FBXL20: variants seen among roughly 807,000 people sequenced by gnomAD.
The protein encoded by FBXL20 is F-box and leucine rich repeat protein 20.
A neutral mutation model predicts 64.0 loss-of-function variants in FBXL20; 11 were observed. The observed-to-expected ratio is 0.17, with a 90% CI of 0.11 to 0.28. The LOEUF (loss-of-function observed/expected upper bound fraction) is 0.28, where lower values mean the gene tolerates loss of function less well. Ranked by LOEUF, FBXL20 falls within the 10% of genes least tolerant of loss-of-function variation. FBXL20 has a pLI of 1.00. For synonymous variants in FBXL20, 184 were observed against 189.0 expected, an observed-to-expected ratio of 0.97 and a Z score of 0.22; for missense variants, 303 against 526.2, an observed-to-expected ratio of 0.58 and a Z score of 4.15.
chr17:39,346,762 A>C (rs1013417897), intron 1 of FBXL20, among the ~76,000 whole-genome samples: 6 of 152,014 alleles, frequency 3.9e-5, no homozygotes, highest in African/African-American at 1.5e-4. Context: ...TTACATATGT[A>C]TACATGTGCC....
intron 12 of FBXL20, 128 bp from the exon 13 acceptor site, chr17:39,265,581 A>C: frequency 1.8e-6 from 1 of 559,004 alleles, no homozygotes; most frequent in Non-Finnish European, 3.0e-6. Flanking sequence ...CTATAAGCTC[A>C]CTGCAGCCTA....
At position 39,261,277 on chromosome 17, in the gene FBXL20, A is replaced by C; in HGVS notation, c.*183T>G. ...ACTTCAGTCCCATGGTCACAAAGCT[A>C]GAGTGGATGGGGGTAAGGGTGTGTA... On this transcript the variant is annotated 3_prime_UTR_variant, in exon 15 of 15. Coordinates refer to ENST00000264658, the MANE Select transcript of FBXL20 (RefSeq NM_032875.3). 1 of 545,498 alleles carries C rather than the reference A, an allele frequency of 1.8e-6. No individual in the cohort carries two copies. Among genetic ancestry groups the C allele is most frequent in the Non-Finnish European group, 3.3e-6 (1 of 301,870 alleles). 33.8% of individuals were successfully genotyped at this position (545,498 alleles called of 1,614,324 possible).
intron 12 of FBXL20, 29 bp downstream of exon 12, chr17:39,268,798 T>TAGATA: frequency 6.3e-7 from 1 of 1,593,316 alleles, no homozygotes; most frequent in East Asian, 2.2e-5. Flanking sequence ...TACTATACTG[T>TAGATA]ATTTCTGAAT....
chr17:39,293,036 G>A (rs926887229), intron 6 of FBXL20, among the ~76,000 whole-genome samples: 4 of 151,802 alleles, frequency 2.6e-5, no homozygotes, highest in African/African-American at 4.8e-5. Flanking sequence ...CAGGTGATCC[G>A]CCCACCTTGG....
chr17:39,322,413 C>T lies in FBXL20; in HGVS notation c.105-18774G>A, dbSNP rs77661240. 9.2e-3 allele frequency among the ~76,000 whole-genome samples: 1,394 copies of T among 152,188 alleles called. 18 individuals carry two copies. Among genetic ancestry groups the T allele is most frequent in the African/African-American group, 0.032 (1,317 of 41,534 alleles). Reference sequence around the variant, plus strand: ...ACAAAAAGCTGCTGTTTCTCCAGAACATCTAAGGTGAATACATAAACTGAG... The same window carrying T: ...ACAAAAAGCTGCTGTTTCTCCAGAATATCTAAGGTGAATACATAAACTGAG... On this transcript the variant is annotated intron_variant, in intron 2 of 14. Coordinates refer to ENST00000264658, the MANE Select transcript of FBXL20 (RefSeq NM_032875.3).
chr17:39,321,815 G>C (rs184649341), intron 2 of FBXL20, among the ~76,000 whole-genome samples: 2 of 151,180 alleles, frequency 1.3e-5, no homozygotes, highest in African/African-American at 2.4e-5. Flanking sequence ...AACTGATCAG[G>C]CTATAGTCAT....
chr17:39,261,393 G>T lies in FBXL20; in HGVS notation c.*67C>A. 2 of 1,313,636 alleles carry T rather than the reference G, an allele frequency of 1.5e-6. No individual in the cohort carries two copies. The highest frequency in any genetic ancestry group is 2.2e-6 in the Non-Finnish European group (2 of 907,828). The allele number at this position is 1,313,636 out of a possible 1,614,324, so 81.4% of individuals were successfully genotyped here. On this transcript the variant is annotated 3_prime_UTR_variant, in exon 15 of 15. Coordinates refer to ENST00000264658, the MANE Select transcript of FBXL20 (RefSeq NM_032875.3). ...GAACACTGGGGTTGCTTCCACTGGA[G>T]AGACTCCACGGTAGCTCTAGAAGTG...
At chr17:39,326,693 C>T (rs2047412493) in intron 2 of FBXL20, among the ~76,000 whole-genome samples, 1 of 151,634 alleles carries the variant, frequency 6.6e-6, no homozygotes, top group Admixed American at 6.6e-5. Context: ...TCATATACCT[C>T]ACTGCAGCCT....
At chr17:39,392,095 C>T (rs181202007) in intron 1 of FBXL20, among the ~76,000 whole-genome samples, 96 of 152,154 alleles carry the variant, frequency 6.3e-4, no homozygotes, top group Non-Finnish European at 1.2e-3. Flanking sequence ...CGAGATCACG[C>T]CACTGCACTC....
At chr17:39,292,958 AATTTTTGTATTTTTAGTAGAG>A (rs1567866889) in intron 6 of FBXL20, among the ~76,000 whole-genome samples, 1 of 151,504 alleles carries the variant, frequency 6.6e-6, no homozygotes, top group Non-Finnish European at 1.5e-5. Flanking sequence ...ATGCCCGGCT[AATTTTTGTATTTTTAGTAGAG>A]ACGGGGTTTC....
chr17:39,278,441 C>A (rs901927286), intron 9 of FBXL20, among the ~76,000 whole-genome samples: 4 of 151,218 alleles, frequency 2.6e-5, no homozygotes, highest in Non-Finnish European at 5.9e-5. Flanking sequence ...CGTGTGTGCA[C>A]ACATACACAC....
chr17:39,322,931 A>G (rs989297557), intron 2 of FBXL20, among the ~76,000 whole-genome samples: 4 of 150,882 alleles, frequency 2.7e-5, no homozygotes, highest in African/African-American at 9.8e-5. Context: ...CAGCCTCTCA[A>G]GTAGCTAGGA....
intron 10 of FBXL20, among the ~76,000 whole-genome samples, chr17:39,271,629 G>C (rs1030995514): frequency 6.7e-6 from 1 of 148,394 alleles, no homozygotes; most frequent in Admixed American, 6.6e-5. Flanking sequence ...AAAAAAGGTG[G>C]GGGGGATTGC....
chr17:39,323,420 C>G (rs974407151), intron 2 of FBXL20, among the ~76,000 whole-genome samples: 7 of 152,032 alleles, frequency 4.6e-5, no homozygotes, highest in Non-Finnish European at 1.0e-4. Context: ...TTGAAGAAAA[C>G]AGTAGACACT....
chr17:39,301,341 C>T (rs2047132974), intron 3 of FBXL20, among the ~76,000 whole-genome samples: 1 of 152,084 alleles, frequency 6.6e-6, no homozygotes, highest in African/African-American at 2.4e-5. Flanking sequence ...TTTATAATCC[C>T]ATCACTTGGG....
At chr17:39,343,593 G>A (rs1253257380) in intron 1 of FBXL20, among the ~76,000 whole-genome samples, 1 of 152,032 alleles carries the variant, frequency 6.6e-6, no homozygotes, top group African/African-American at 2.4e-5. Flanking sequence ...GAGTCCGGGC[G>A]CAGCAACTCA....
At chr17:39,322,911 T>C (rs1386354694) in intron 2 of FBXL20, among the ~76,000 whole-genome samples, 1 of 151,490 alleles carries the variant, frequency 6.6e-6, no homozygotes, top group East Asian at 1.9e-4. Flanking sequence ...TTCACACCAT[T>C]CTCCTGCCTC....
At chr17:39,270,318 C>T (rs1017395129) in intron 11 of FBXL20, among the ~76,000 whole-genome samples, 1 of 152,082 alleles carries the variant, frequency 6.6e-6, no homozygotes, top group African/African-American at 2.4e-5. Context: ...CCAAGGTGAG[C>T]GGATGACTTG....
intron 2 of FBXL20, among the ~76,000 whole-genome samples, chr17:39,326,069 C>T (rs890480356): frequency 7.9e-5 from 12 of 152,014 alleles, no homozygotes; most frequent in Admixed American, 1.3e-4. Flanking sequence ...TCTGGGACTT[C>T]CCTCTTTTCT....
Sources: gnomAD v4.1 joint callset for allele counts (sites outside exome capture counted in the v4.1 genomes callset) on GRCh38, gnomAD v4.1.1 for gene constraint, MANE v1.5 for transcripts, NCBI Gene and HGNC (gene_info 2026-07-23, HGNC 2026-07-21) for gene names.